The following METTL8 variants were observed in gnomAD, a reference collection of about 807,000 sequenced individuals.
METTL8 encodes the protein methyltransferase 8, tRNA N3-cytidine.
A neutral mutation model predicts 48.7 loss-of-function variants in METTL8; 32 were observed. The ratio of observed to expected loss-of-function variants is 0.66; its 90% CI spans 0.50 to 0.88. METTL8 has a LOEUF of 0.88. Among genes scored for constraint, METTL8 ranks in the 40% least tolerant of loss-of-function variants. The probability of loss-of-function intolerance (pLI) is 0.00; values close to 1 mark genes in which losing one functional copy is unlikely to be tolerated. For synonymous variants in METTL8, 136 were observed against 157.1 expected, an observed-to-expected ratio of 0.87 and a Z score of 1.01; for missense variants, 464 against 474.4, an observed-to-expected ratio of 0.98 and a Z score of 0.20.
At chr2:171,385,824 G>GT (rs750536302) in intron 2 of METTL8, among the ~76,000 whole-genome samples, 2 of 152,206 alleles carry the variant, frequency 1.3e-5, no homozygotes, top group South Asian at 2.1e-4. Context: ...TTCAGGTCAG[G>GT]TTTGCTTTTA....
intron 1 of METTL8, among the ~76,000 whole-genome samples, chr2:171,422,759 A>G (rs1364779710): frequency 1.3e-5 from 2 of 152,224 alleles, no homozygotes; most frequent in Non-Finnish European, 2.9e-5. Context: ...AAATCATAAT[A>G]TGATAGTCTT....
chr2:171,390,007 G>A (rs998920964), intron 2 of METTL8, among the ~76,000 whole-genome samples: 1 of 152,168 alleles, frequency 6.6e-6, no homozygotes, highest in Admixed American at 6.5e-5. Context: ...CAAAGGACAG[G>A]CTGACTCTCC....
At chr2:171,410,273 C>T (rs1690613809) in intron 1 of METTL8, among the ~76,000 whole-genome samples, 1 of 152,116 alleles carries the variant, frequency 6.6e-6, no homozygotes, top group Admixed American at 6.5e-5. Context: ...CTTTTTAAAT[C>T]CATAACGTGG....
At chr2:171,359,324 A>C (rs1684917992) in intron 3 of METTL8, among the ~76,000 whole-genome samples, 1 of 152,146 alleles carries the variant, frequency 6.6e-6, no homozygotes. Context: ...ATCTCACCTC[A>C]CCTAACATAG....
At chr2:171,377,528 A>G (rs1188749768) in intron 2 of METTL8, among the ~76,000 whole-genome samples, 1 of 152,218 alleles carries the variant, frequency 6.6e-6, no homozygotes, top group Non-Finnish European at 1.5e-5. Flanking sequence ...AAGGAACTCA[A>G]ATCAGCAAGA....
intron 1 of METTL8, among the ~76,000 whole-genome samples, chr2:171,417,596 T>C (rs1691443153): frequency 6.6e-6 from 1 of 152,200 alleles, no homozygotes; most frequent in African/African-American, 2.4e-5. Context: ...TACTAAGCAG[T>C]GAGGCTGAGA....
chr2:171,428,294 G>A (rs182687109), intron 1 of METTL8, among the ~76,000 whole-genome samples: 1 of 152,140 alleles, frequency 6.6e-6, no homozygotes, highest in African/African-American at 2.4e-5. Flanking sequence ...TATTAATATT[G>A]TGACTTCCTA....
intron 2 of METTL8, among the ~76,000 whole-genome samples, chr2:171,377,435 G>C (rs1687086783): frequency 6.6e-6 from 1 of 152,090 alleles, no homozygotes; most frequent in Non-Finnish European, 1.5e-5. Flanking sequence ...GAAATAATCA[G>C]CAGAGTAAAC....
chr2:171,359,543 AT>A (rs1251134475), intron 3 of METTL8, among the ~76,000 whole-genome samples: 3 of 152,188 alleles, frequency 2.0e-5, no homozygotes, highest in East Asian at 3.8e-4. Context: ...ACATCAATAT[AT>A]CAAAGAGATA....
At chr2:171,352,328 A>C (rs532230225) in intron 3 of METTL8, among the ~76,000 whole-genome samples, 2 of 152,274 alleles carry the variant, frequency 1.3e-5, no homozygotes, top group African/African-American at 2.4e-5. Context: ...GTCATGGTGG[A>C]TAAGCTTTTT....
At chr2:171,347,707 C>T (rs1683424254) in intron 3 of METTL8, among the ~76,000 whole-genome samples, 1 of 152,192 alleles carries the variant, frequency 6.6e-6, no homozygotes, top group African/African-American at 2.4e-5. Flanking sequence ...TATGTCTGTG[C>T]AGCTGCTGGC....
At chr2:171,355,010 G>A (rs1355187750) in intron 3 of METTL8, among the ~76,000 whole-genome samples, 5 of 152,304 alleles carry the variant, frequency 3.3e-5, no homozygotes, top group East Asian at 1.9e-4. Flanking sequence ...CATTGCTGGC[G>A]AGGAACCGCG....
chr2:171,336,481 A>C (rs1418386019), intron 5 of METTL8, among the ~76,000 whole-genome samples: 1 of 141,556 alleles, frequency 7.1e-6, no homozygotes, highest in Non-Finnish European at 1.5e-5. Flanking sequence ...GGCTCACTGC[A>C]AGCTCGGCCT....
chr2:171,434,394 C>T, upstream of METTL8: 1 of 1,005,216 alleles, frequency 9.9e-7, no homozygotes, highest in Non-Finnish European at 1.5e-6. Context: ...GCGGTGCAAG[C>T]GGCTCTGCTT....
Position 171,330,715 on chromosome 2 carries a change from A to G in METTL8, c.721-17T>C. 1 of 1,591,162 alleles carries G rather than the reference A, an allele frequency of 6.3e-7. No individual in the cohort carries two copies. The highest frequency in any genetic ancestry group is 8.5e-7 in the Non-Finnish European group (1 of 1,172,320). ...CGAGTGTGACTGTCATGATAAAGGA[A>G]CAGAAAGCAAAAAGAGGACTTAGTA... On this transcript the variant is annotated splice_polypyrimidine_tract_variant and intron_variant, in intron 6 of 9. Coordinates refer to ENST00000375258, the MANE Select transcript of METTL8 (RefSeq NM_001321154.2).
intron 3 of METTL8, among the ~76,000 whole-genome samples, chr2:171,357,669 T>C (rs1268546562): frequency 6.6e-6 from 1 of 151,934 alleles, no homozygotes; most frequent in East Asian, 1.9e-4. Context: ...TTCACAGAAA[T>C]AGAGCACAAA....
chr2:171,375,403 G>A lies in METTL8; in HGVS notation c.144-14890C>T, dbSNP rs543722041. 6.2e-5 allele frequency: 38 copies of A among 609,516 alleles called. No individual in the cohort carries two copies. The Admixed American group carries it at 9.1e-4, about 15-fold the overall frequency. The allele number at this position is 609,516 out of a possible 1,614,324, so 37.8% of individuals were successfully genotyped here. On this transcript the variant is annotated intron_variant, in intron 2 of 9. Coordinates refer to ENST00000375258, the MANE Select transcript of METTL8 (RefSeq NM_001321154.2). Reference sequence around the variant, plus strand: ...AAACTGCCAAGTTGTATTCCAAAATGGTTATACCATTTTATATTCCCACCA... The same window carrying A: ...AAACTGCCAAGTTGTATTCCAAAATAGTTATACCATTTTATATTCCCACCA...
intron 1 of METTL8, among the ~76,000 whole-genome samples, chr2:171,403,891 C>CATA (rs1337510096): frequency 6.6e-6 from 1 of 150,998 alleles, no homozygotes; most frequent in Non-Finnish European, 1.5e-5. Flanking sequence ...AATATTTTCT[C>CATA]ATAGGCAATG....
chr2:171,420,675 A>G (rs189468438), intron 1 of METTL8, among the ~76,000 whole-genome samples: 1 of 152,332 alleles, frequency 6.6e-6, no homozygotes, highest in East Asian at 1.9e-4. Flanking sequence ...CAAAGCCTAC[A>G]ATGTATAAAA....
Sources: gnomAD v4.1 joint callset for allele counts (sites outside exome capture counted in the v4.1 genomes callset) on GRCh38, gnomAD v4.1.1 for gene constraint, MANE v1.5 for transcripts, NCBI Gene and HGNC (gene_info 2026-07-23, HGNC 2026-07-21) for gene names.